JAM3: variants seen among roughly 807,000 people sequenced by gnomAD.
JAM3 encodes junctional adhesion molecule C.
JAM3 carries 31 observed loss-of-function variants against 39.4 expected under a neutral mutation model. The ratio of observed to expected loss-of-function variants is 0.79; its 90% CI spans 0.59 to 1.06. The LOEUF is 1.06. Ranked by LOEUF, JAM3 falls within the 50% of genes least tolerant of loss-of-function variation. The probability of loss-of-function intolerance (pLI) is 0.00; values close to 1 mark genes in which losing one functional copy is unlikely to be tolerated. For missense variants in JAM3, 455 were observed against 391.4 expected (o/e 1.16, Z -1.37); for synonymous variants, 182 against 148.7 (o/e 1.22, Z -1.63).
chr11:134,136,601 C>T (rs1004245398), intron 1 of JAM3, among the ~76,000 whole-genome samples: 6 of 152,176 alleles, frequency 3.9e-5, no homozygotes, highest in African/African-American at 1.2e-4. Context: ...ATGTAGTGCC[C>T]AGCCATTGCA....
chr11:134,146,092 A>G (rs748341169), intron 6 of JAM3, 47 bp downstream of exon 6: 8 of 1,239,720 alleles, frequency 6.5e-6, no homozygotes, highest in Non-Finnish European at 9.5e-6. Flanking sequence ...TGGGAAGTGA[A>G]TAGAACATTT....
At chr11:134,112,545 A>G (rs1383785071) in intron 1 of JAM3, among the ~76,000 whole-genome samples, 1 of 152,226 alleles carries the variant, frequency 6.6e-6, no homozygotes, top group Non-Finnish European at 1.5e-5. Flanking sequence ...TGACACACAC[A>G]CATATTTTGC....
At chr11:134,109,782 C>T (rs1409487747) in intron 1 of JAM3, among the ~76,000 whole-genome samples, 1 of 152,194 alleles carries the variant, frequency 6.6e-6, no homozygotes, top group African/African-American at 2.4e-5. Context: ...ATTATGTATT[C>T]ATATTGTGCC....
intron 1 of JAM3, among the ~76,000 whole-genome samples, chr11:134,117,365 A>G (rs1376634799): frequency 2.1e-5 from 3 of 144,576 alleles, no homozygotes; most frequent in Non-Finnish European, 3.0e-5. Context: ...CGACAAGAGC[A>G]AAAAACTCCA....
intron 1 of JAM3, among the ~76,000 whole-genome samples, chr11:134,102,235 T>TA (rs1165098034): frequency 5.9e-5 from 9 of 152,182 alleles, no homozygotes; most frequent in Non-Finnish European, 8.8e-5. Context: ...CCTCCGCTGC[T>TA]GATAACCCAG....
At chr11:134,070,420 C>T in intron 1 of JAM3, 1 of 354,670 alleles carries the variant, frequency 2.8e-6, no homozygotes, top group Non-Finnish European at 5.5e-6. Flanking sequence ...TTTTGGAAAA[C>T]AAAGCATTCC....
At chr11:134,070,632 T>C (rs190351433) in intron 1 of JAM3, among the ~76,000 whole-genome samples, 17 of 152,344 alleles carry the variant, frequency 1.1e-4, no homozygotes, top group African/African-American at 4.1e-4. Flanking sequence ...ACCCGCTGTG[T>C]TGGTCACACT....
chr11:134,088,791 GTGTT>G (rs1192222226), intron 1 of JAM3, among the ~76,000 whole-genome samples: 3 of 152,084 alleles, frequency 2.0e-5, no homozygotes, highest in African/African-American at 7.2e-5. Flanking sequence ...TATCACATCT[GTGTT>G]TGTTTATTTT....
intron 1 of JAM3, among the ~76,000 whole-genome samples, chr11:134,096,011 C>T (rs1403226484): frequency 6.6e-6 from 1 of 152,120 alleles, no homozygotes; most frequent in Non-Finnish European, 1.5e-5. Context: ...TGGAGCCTTA[C>T]TCTCACCCAG....
intron 1 of JAM3, among the ~76,000 whole-genome samples, chr11:134,089,666 C>T (rs1307635046): frequency 6.6e-6 from 1 of 152,152 alleles, no homozygotes; most frequent in Non-Finnish European, 1.5e-5. Flanking sequence ...GCATAGTATT[C>T]CATGATGTAT....
At chr11:134,073,291 A>G (rs1263335229) in intron 1 of JAM3, among the ~76,000 whole-genome samples, 1 of 152,218 alleles carries the variant, frequency 6.6e-6, no homozygotes, top group Non-Finnish European at 1.5e-5. Flanking sequence ...TATATATTAC[A>G]TTTCCCATGA....
intron 1 of JAM3, among the ~76,000 whole-genome samples, chr11:134,119,831 A>T (rs1942500814): frequency 6.6e-6 from 1 of 152,208 alleles, no homozygotes; most frequent in Non-Finnish European, 1.5e-5. Flanking sequence ...TTGGAATTCC[A>T]TGATACTTGG....
chr11:134,108,714 C>G (rs368327041), intron 1 of JAM3, among the ~76,000 whole-genome samples: 7 of 152,146 alleles, frequency 4.6e-5, no homozygotes, highest in African/African-American at 1.4e-4. Flanking sequence ...TCAACAGATG[C>G]AGAAAAAGCA....
chr11:134,107,438 A>C (rs1246284055), intron 1 of JAM3, among the ~76,000 whole-genome samples: 1 of 152,150 alleles, frequency 6.6e-6, no homozygotes, highest in Non-Finnish European at 1.5e-5. Flanking sequence ...ATGTGTAACA[A>C]ACCTGCACGT....
chr11:134,109,821 G>A (rs1357570651), intron 1 of JAM3, among the ~76,000 whole-genome samples: 1 of 152,204 alleles, frequency 6.6e-6, no homozygotes, highest in Non-Finnish European at 1.5e-5. Flanking sequence ...CATAAGATAA[G>A]GTGAACATGG....
chr11:134,120,935 G>A (rs1374774869), intron 1 of JAM3, among the ~76,000 whole-genome samples: 1 of 152,224 alleles, frequency 6.6e-6, no homozygotes, highest in Non-Finnish European at 1.5e-5. Flanking sequence ...TTTATAGCCA[G>A]TAACTCTTCA....
At chr11:134,098,560 T>C (rs1942024018) in intron 1 of JAM3, among the ~76,000 whole-genome samples, 1 of 152,186 alleles carries the variant, frequency 6.6e-6, no homozygotes, top group South Asian at 2.1e-4. Flanking sequence ...ACTCATTCTC[T>C]GTAGTTGGGT....
chr11:134,123,380 C>A (rs1942574633), intron 1 of JAM3, among the ~76,000 whole-genome samples: 1 of 151,806 alleles, frequency 6.6e-6, no homozygotes, highest in Admixed American at 6.6e-5. Context: ...CACCACCACC[C>A]CCCCCCCCCC....
intron 6 of JAM3, chr11:134,148,029 C>T (rs992006390): frequency 3.1e-5 from 6 of 193,286 alleles, no homozygotes; most frequent in Admixed American, 2.1e-4. Context: ...GCTTATAGAT[C>T]GGAGGTCAGG....
Sources: allele counts gnomAD v4.1 joint callset (sites outside exome capture counted in the v4.1 genomes callset), GRCh38; gene constraint gnomAD v4.1.1; transcripts MANE v1.5; gene names NCBI Gene and HGNC (gene_info 2026-07-23, HGNC 2026-07-21).